Variants in NEK7 observed in about 807,000 individuals in gnomAD.
NEK7 encodes the protein serine/threonine-protein kinase Nek7.
In NEK7, 18 loss-of-function variants were observed where a neutral mutation model predicts 44.6. The observed-to-expected ratio is 0.40, with a 90% CI of 0.28 to 0.60. The LOEUF is 0.60. Ranked by LOEUF, NEK7 falls within the 20% of genes least tolerant of loss-of-function variation. NEK7 has a pLI of 0.38. For synonymous variants in NEK7, 130 were observed against 121.1 expected, an observed-to-expected ratio of 1.07 and a Z score of -0.48; for missense variants, 256 against 366.5, an observed-to-expected ratio of 0.70 and a Z score of 2.46.
intron 1 of NEK7, among the ~76,000 whole-genome samples, chr1:198,225,713 T>C (rs1571548111): frequency 6.6e-6 from 1 of 152,280 alleles, no homozygotes; most frequent in East Asian, 1.9e-4. Context: ...ACTTATAAAG[T>C]GGTGTGTACT....
At chr1:198,189,785 A>G (rs1486407039) in intron 1 of NEK7, among the ~76,000 whole-genome samples, 1 of 152,130 alleles carries the variant, frequency 6.6e-6, no homozygotes, top group African/African-American at 2.4e-5. Context: ...CAAGTGATAA[A>G]CTTTAAAAAC....
chr1:198,256,272 C>G, intron 3 of NEK7: 1 of 1,460,564 alleles, frequency 6.8e-7, no homozygotes, highest in Non-Finnish European at 9.1e-7. Context: ...CCATTTAGTT[C>G]ACTGATTCAG....
At chr1:198,165,595 A>G (rs1020654384) in intron 1 of NEK7, among the ~76,000 whole-genome samples, 1 of 152,244 alleles carries the variant, frequency 6.6e-6, no homozygotes, top group East Asian at 1.9e-4. Flanking sequence ...TACTCAAAAA[A>G]CCATGCTGTA....
At chr1:198,182,771 G>C (rs1664806173) in intron 1 of NEK7, among the ~76,000 whole-genome samples, 1 of 152,092 alleles carries the variant, frequency 6.6e-6, no homozygotes, top group South Asian at 2.1e-4. Flanking sequence ...GTTGTACTCT[G>C]AGAAGGCTTA....
At chr1:198,266,534 TG>T (rs1653661282) in intron 5 of NEK7, among the ~76,000 whole-genome samples, 1 of 151,986 alleles carries the variant, frequency 6.6e-6, no homozygotes, top group Non-Finnish European at 1.5e-5. Context: ...AGGAAAAGTG[TG>T]GGTTATAAGG....
At chr1:198,236,961 A>G (rs1666558207) in intron 2 of NEK7, among the ~76,000 whole-genome samples, 1 of 152,080 alleles carries the variant, frequency 6.6e-6, no homozygotes, top group Admixed American at 6.6e-5. Context: ...AATCTACTCT[A>G]ATTAAGCTCT....
intron 7 of NEK7, among the ~76,000 whole-genome samples, chr1:198,287,290 G>C (rs1207087248): frequency 6.6e-6 from 1 of 151,948 alleles, no homozygotes; most frequent in East Asian, 1.9e-4. Flanking sequence ...GACCATCCTG[G>C]CTAACACGGT....
chr1:198,271,284 A>G (rs543602335), intron 5 of NEK7, among the ~76,000 whole-genome samples: 2 of 152,178 alleles, frequency 1.3e-5, no homozygotes, highest in Admixed American at 1.3e-4. Flanking sequence ...TGGGAGAGTA[A>G]TTCATAATAT....
At chr1:198,169,078 G>C (rs967727328) in intron 1 of NEK7, among the ~76,000 whole-genome samples, 1 of 152,152 alleles carries the variant, frequency 6.6e-6, no homozygotes, top group Non-Finnish European at 1.5e-5. Flanking sequence ...TAGTTTAAAA[G>C]TAAAGTGGTC....
At chr1:198,312,296 A>AT in intron 9 of NEK7, among the ~76,000 whole-genome samples, 1 of 150,626 alleles carries the variant, frequency 6.6e-6, no homozygotes, top group East Asian at 2.0e-4. Flanking sequence ...CCCCTTTATC[A>AT]TTTTTTATTG....
intron 2 of NEK7, among the ~76,000 whole-genome samples, chr1:198,243,445 C>T (rs1229776765): frequency 3.3e-5 from 5 of 152,164 alleles, no homozygotes; most frequent in Non-Finnish European, 7.3e-5. Flanking sequence ...CCATATTTAA[C>T]TTTGCCAGGT....
chr1:198,210,276 G>A (rs1665723627), intron 1 of NEK7, among the ~76,000 whole-genome samples: 1 of 152,096 alleles, frequency 6.6e-6, no homozygotes, highest in Non-Finnish European at 1.5e-5. Context: ...GTGTGTGATG[G>A]GGTCTTGCTA....
chr1:198,291,407 C>T (rs1329916013), intron 7 of NEK7, among the ~76,000 whole-genome samples: 4 of 152,108 alleles, frequency 2.6e-5, no homozygotes, highest in African/African-American at 9.7e-5. Flanking sequence ...GTTAGAACTC[C>T]CAAAGCTAGA....
At chr1:198,163,248 T>A (rs1248297585) in intron 1 of NEK7, among the ~76,000 whole-genome samples, 1 of 152,108 alleles carries the variant, frequency 6.6e-6, no homozygotes, top group African/African-American at 2.4e-5. Context: ...GTCTCAGCAC[T>A]TTGGGAGGCC....
chr1:198,243,266 G>A (rs1160868202), intron 2 of NEK7, among the ~76,000 whole-genome samples: 2 of 151,944 alleles, frequency 1.3e-5, no homozygotes, highest in Non-Finnish European at 2.9e-5. Flanking sequence ...TTTCTGCATA[G>A]TGCTTCAGTA....
chr1:198,299,407 T>TGC (rs1205469532), intron 9 of NEK7, among the ~76,000 whole-genome samples: 1 of 152,204 alleles, frequency 6.6e-6, no homozygotes, highest in Admixed American at 6.5e-5. Context: ...AATTTGGTAG[T>TGC]GCTATAATGT....
At chr1:198,298,303 G>C (rs1654772224) in intron 9 of NEK7, among the ~76,000 whole-genome samples, 1 of 152,184 alleles carries the variant, frequency 6.6e-6, no homozygotes, top group Non-Finnish European at 1.5e-5. Flanking sequence ...AAGGAAATTT[G>C]AGTTCGTGTA....
At chr1:198,260,430 C>A (rs528977155) in intron 3 of NEK7, among the ~76,000 whole-genome samples, 5 of 149,882 alleles carry the variant, frequency 3.3e-5, no homozygotes, top group South Asian at 4.2e-4. Context: ...TTTTTTTTAA[C>A]CCCTTTTCCT....
At chr1:198,205,939 G>C (rs1488239509) in intron 1 of NEK7, among the ~76,000 whole-genome samples, 1 of 152,106 alleles carries the variant, frequency 6.6e-6, no homozygotes, top group Non-Finnish European at 1.5e-5. Flanking sequence ...GTTACAGTGG[G>C]TTTGGGGGAA....
Sources: allele counts gnomAD v4.1 joint callset (sites outside exome capture counted in the v4.1 genomes callset), GRCh38; gene constraint gnomAD v4.1.1; transcripts MANE v1.5; gene names NCBI Gene and HGNC (gene_info 2026-07-23, HGNC 2026-07-21).